The following SGCZ variants were observed in gnomAD, a reference collection of about 807,000 sequenced individuals.
SGCZ encodes the protein zeta-sarcoglycan.
In SGCZ, 40 loss-of-function variants were observed where a neutral mutation model predicts 41.3. The observed-to-expected ratio is 0.97, with a 90% CI of 0.75 to 1.26. SGCZ has a LOEUF of 1.26. SGCZ is among the 50% of genes most tolerant of loss of function. The pLI, the probability that SGCZ is intolerant of heterozygous loss-of-function variation, is 0.00. For missense variants in SGCZ, 552 were observed against 369.8 expected, an observed-to-expected ratio of 1.49 and a Z score of -4.04; for synonymous variants, 206 against 137.5, an observed-to-expected ratio of 1.50 and a Z score of -3.49.
At chr8:15,074,278 C>T (rs1454525870) in intron 1 of SGCZ, among the ~76,000 whole-genome samples, 1 of 152,188 alleles carries the variant, frequency 6.6e-6, no homozygotes, top group Non-Finnish European at 1.5e-5. Flanking sequence ...TCTCAGTCTA[C>T]TGGCTCTCCG....
At chr8:14,692,832 AT>A (rs1808841879) in intron 1 of SGCZ, among the ~76,000 whole-genome samples, 1 of 152,206 alleles carries the variant, frequency 6.6e-6, no homozygotes, top group African/African-American at 2.4e-5. Context: ...ATTCAGGAAA[AT>A]AAATCTTGAG....
Position 15,238,218 on chromosome 8 carries a change from C to T in SGCZ, c.-595G>A, listed in dbSNP as rs984009482. On this transcript the variant is annotated 5_prime_UTR_variant, in exon 1 of 8. Transcript: ENST00000382080. ...ATGTCTTGTAGCTGAGAGGTATTTT[C>T]TCAGTGGGGAAAAGAAGATAATCAA... The T allele has an allele frequency of 2.0e-5, 3 of 152,212 alleles. No homozygotes were observed. The highest frequency in any genetic ancestry group is 2.0e-4 in the Admixed American group (3 of 15,250). The allele number at this position is 152,212 out of a possible 1,614,324, so 9.4% of individuals were successfully genotyped here.
intron 2 of SGCZ, among the ~76,000 whole-genome samples, chr8:14,340,849 T>C (rs1802678926): frequency 6.6e-6 from 1 of 152,210 alleles, no homozygotes; most frequent in South Asian, 2.1e-4. Context: ...ATTAAGTACA[T>C]TCACAATGCT....
chr8:14,585,671 A>G (rs1035261303), intron 1 of SGCZ, among the ~76,000 whole-genome samples: 9 of 152,262 alleles, frequency 5.9e-5, no homozygotes, highest in African/African-American at 2.2e-4. Flanking sequence ...TTTAATTACA[A>G]TTGAAATTAA....
chr8:14,326,415 G>T (rs1802119143), intron 2 of SGCZ, among the ~76,000 whole-genome samples: 1 of 152,132 alleles, frequency 6.6e-6, no homozygotes, highest in South Asian at 2.1e-4. Context: ...AGAAAAAAAC[G>T]AATAGGATTT....
chr8:15,112,836 T>G (rs146363795), intron 1 of SGCZ, among the ~76,000 whole-genome samples: 125 of 152,340 alleles, frequency 8.2e-4, no homozygotes, highest in Non-Finnish European at 1.5e-3. Flanking sequence ...ATGAGCTGTC[T>G]CTGGCAAGTT....
intron 5 of SGCZ, among the ~76,000 whole-genome samples, chr8:14,140,652 T>C (rs1352515954): frequency 3.3e-5 from 5 of 152,108 alleles, no homozygotes; most frequent in African/African-American, 1.2e-4. Context: ...TACAAACCAC[T>C]GCTCAACAAG....
chr8:14,499,595 A>G (rs946041911), intron 2 of SGCZ, among the ~76,000 whole-genome samples: 1 of 152,096 alleles, frequency 6.6e-6, no homozygotes, highest in Non-Finnish European at 1.5e-5. Flanking sequence ...CAAGCTAGGC[A>G]GCCTTCCTCC....
intron 1 of SGCZ, among the ~76,000 whole-genome samples, chr8:14,978,242 T>A (rs1219532079): frequency 6.8e-6 from 1 of 146,310 alleles, no homozygotes; most frequent in East Asian, 2.0e-4. Flanking sequence ...CTGAGGGGGG[T>A]GGATCACCTG....
chr8:14,408,947 AAG>A (rs1165889500), intron 2 of SGCZ, among the ~76,000 whole-genome samples: 8 of 84,048 alleles, frequency 9.5e-5, no homozygotes, highest in East Asian at 8.7e-4. Flanking sequence ...TTTTTAAATT[AAG>A]AGAGTGTGTG....
chr8:15,195,463 C>T (rs1373617810), intron 1 of SGCZ, among the ~76,000 whole-genome samples: 1 of 152,144 alleles, frequency 6.6e-6, no homozygotes, highest in Non-Finnish European at 1.5e-5. Flanking sequence ...CATTTTCATG[C>T]CCATCTCTCA....
chr8:15,132,243 A>C (rs1175618229), intron 1 of SGCZ, among the ~76,000 whole-genome samples: 1 of 152,190 alleles, frequency 6.6e-6, no homozygotes, highest in Non-Finnish European at 1.5e-5. Flanking sequence ...AGCACACTAG[A>C]AGTCCCACAT....
intron 1 of SGCZ, among the ~76,000 whole-genome samples, chr8:15,063,448 C>A (rs748200301): frequency 2.0e-5 from 3 of 152,028 alleles, no homozygotes; most frequent in Non-Finnish European, 4.4e-5. Flanking sequence ...TAAAGTGAGA[C>A]AAAATAATTC....
intron 1 of SGCZ, among the ~76,000 whole-genome samples, chr8:15,049,987 C>T (rs1289414584): frequency 1.3e-5 from 2 of 152,102 alleles, no homozygotes; most frequent in South Asian, 2.1e-4. Flanking sequence ...ATAAATTACC[C>T]AGTCTCAGGC....
At chr8:15,203,998 T>A (rs191352169) in intron 1 of SGCZ, among the ~76,000 whole-genome samples, 1 of 152,210 alleles carries the variant, frequency 6.6e-6, no homozygotes, top group Non-Finnish European at 1.5e-5. Context: ...TTTCTCATAT[T>A]ATTGCTTTAT....
intron 1 of SGCZ, among the ~76,000 whole-genome samples, chr8:14,888,990 C>T (rs541055667): frequency 2.0e-5 from 3 of 152,194 alleles, no homozygotes; most frequent in East Asian, 3.9e-4. Flanking sequence ...AGCACATTTG[C>T]CAATTTTCAA....
intron 1 of SGCZ, among the ~76,000 whole-genome samples, chr8:14,591,857 C>T (rs189861303): frequency 4.6e-5 from 7 of 152,090 alleles, no homozygotes; most frequent in African/African-American, 7.2e-5. Context: ...TCTATATTGT[C>T]GATTATAATT....
intron 2 of SGCZ, among the ~76,000 whole-genome samples, chr8:14,427,824 A>C (rs1799829595): frequency 6.6e-6 from 1 of 152,166 alleles, no homozygotes; most frequent in African/African-American, 2.4e-5. Context: ...CTACTTACTC[A>C]TGGGTTCAGC....
At chr8:14,816,263 A>G (rs1418332318) in intron 1 of SGCZ, among the ~76,000 whole-genome samples, 4 of 152,204 alleles carry the variant, frequency 2.6e-5, no homozygotes, top group African/African-American at 9.6e-5. Context: ...ACAGTTCTAC[A>G]GCTCTTCAAC....
Sources: gnomAD v4.1 joint callset for allele counts (sites outside exome capture counted in the v4.1 genomes callset) on GRCh38, gnomAD v4.1.1 for gene constraint, MANE v1.5 for transcripts, NCBI Gene and HGNC (gene_info 2026-07-23, HGNC 2026-07-21) for gene names.